Variants in MMS22L observed in about 807,000 individuals in gnomAD.
MMS22L encodes the protein MMS22 like, DNA repair protein.
Under a neutral mutation model 159.1 loss-of-function variants are expected in MMS22L, and 74 were observed. That is an observed-to-expected ratio of 0.47 (90% confidence interval 0.39 to 0.56). The LOEUF is 0.56. MMS22L is among the 20% of genes least tolerant of loss of function. The pLI is 0.00. For synonymous variants in MMS22L, 517 were observed against 506.9 expected (o/e 1.02, Z -0.27); for missense variants, 1,351 against 1,422.1 (o/e 0.95, Z 0.80).
At chr6:97,151,679 T>G in intron 23 of MMS22L, 92 bp downstream of exon 23, 1 of 969,496 alleles carries the variant, frequency 1.0e-6, no homozygotes, top group East Asian at 2.4e-5. Context: ...TAGTAACACA[T>G]TATGTTTTGG....
chr6:97,275,352 C>A (rs1816150319), intron 4 of MMS22L, among the ~76,000 whole-genome samples: 1 of 152,110 alleles, frequency 6.6e-6, no homozygotes, highest in African/African-American at 2.4e-5. Context: ...CATGATGAAA[C>A]CCTGTCTCTA....
chr6:97,243,124 T>C (rs960048564), intron 11 of MMS22L, among the ~76,000 whole-genome samples: 6 of 152,194 alleles, frequency 3.9e-5, no homozygotes, highest in Non-Finnish European at 8.8e-5. Context: ...TCTAGATCTC[T>C]AGCAATGCCA....
At position 97,229,171 on chromosome 6, in the gene MMS22L, T is replaced by G. The variant is rs545356400; in HGVS notation, c.1762A>C (p.Ile588Leu). 3 of 1,613,976 alleles carry G rather than the reference T, an allele frequency of 1.9e-6. No homozygotes were observed. In the African/African-American group the frequency reaches 4.0e-5, roughly 22 times the overall value. The change falls in exon 14 of 25, where the codon ATT (isoleucine) becomes CTT (leucine). Residue 588 changes from isoleucine to leucine, a missense_variant. Physicochemically the swap from Ile to Leu is conservative, Grantham distance 5. Coordinates refer to ENST00000683635, the MANE Select transcript of MMS22L (RefSeq NM_001350599.2). The part of the protein sequence containing the change: ...LLMYAQKNLD[I>L]GVLAEKFSCA... ...GAAAATTTCTCAGCCAAAACACCAA[T>G]GTCCAGATTTTTCTGGGCATACATC...
chr6:97,209,597 T>G (rs918993237), intron 14 of MMS22L, among the ~76,000 whole-genome samples: 5 of 152,012 alleles, frequency 3.3e-5, no homozygotes, highest in African/African-American at 1.2e-4. Flanking sequence ...GCTTAAGGTC[T>G]CTGACATACA....
intron 11 of MMS22L, 101 bp downstream of exon 11, chr6:97,246,527 T>C (rs545370254): frequency 1.4e-5 from 12 of 865,848 alleles, no homozygotes. Context: ...GAAAGTTATT[T>C]GTTTTCTGAA....
At chr6:97,208,222 T>C (rs1484301583) in intron 14 of MMS22L, among the ~76,000 whole-genome samples, 5 of 152,108 alleles carry the variant, frequency 3.3e-5, no homozygotes, top group African/African-American at 9.7e-5. Flanking sequence ...TTTTTAAAAA[T>C]TACTTTGGCA....
intron 19 of MMS22L, among the ~76,000 whole-genome samples, chr6:97,172,616 G>C (rs1053638603): frequency 6.6e-6 from 1 of 152,166 alleles, no homozygotes; most frequent in Admixed American, 6.5e-5. Flanking sequence ...TGAGAAACAA[G>C]ATTTGAAGCA....
intron 22 of MMS22L, among the ~76,000 whole-genome samples, chr6:97,154,229 A>G (rs1801611755): frequency 6.6e-6 from 1 of 151,988 alleles, no homozygotes; most frequent in East Asian, 1.9e-4. Flanking sequence ...GATGTTGAAC[A>G]CCTTTTCTGG....
chr6:97,280,490 G>A (rs1249990986), intron 3 of MMS22L, among the ~76,000 whole-genome samples: 6 of 151,964 alleles, frequency 3.9e-5, no homozygotes, highest in Admixed American at 2.0e-4. Context: ...ATGCCATCAC[G>A]CCTGGCTAAT....
At chr6:97,167,662 A>G (rs895286928) in intron 20 of MMS22L, among the ~76,000 whole-genome samples, 3 of 152,092 alleles carry the variant, frequency 2.0e-5, no homozygotes, top group Non-Finnish European at 4.4e-5. Flanking sequence ...GAACCATTCT[A>G]TATTTTCTTA....
intron 7 of MMS22L, among the ~76,000 whole-genome samples, chr6:97,269,062 G>C (rs2128087353): frequency 6.6e-6 from 1 of 151,954 alleles, no homozygotes; most frequent in South Asian, 2.1e-4. Flanking sequence ...AAGGATAAAA[G>C]ATATTTATCC....
At chr6:97,253,390 G>C (rs1033532502) in intron 10 of MMS22L, 2 of 151,606 alleles carry the variant, frequency 1.3e-5, no homozygotes, top group Admixed American at 6.6e-5. Flanking sequence ...GAGAACCAAG[G>C]AACTTTTTAA....
chr6:97,173,186 A>G lies in MMS22L; in HGVS notation c.2716T>C (p.Ser906Pro), dbSNP rs766486653. The G allele has an allele frequency of 1.9e-5, 31 of 1,613,820 alleles. No individual in the cohort carries two copies. The highest frequency in any genetic ancestry group is 2.2e-5 in the Non-Finnish European group (26 of 1,179,844). The change falls in exon 19 of 25, where the codon TCT becomes CCT. Residue 906 changes from serine (S) to proline (P), a missense_variant. Coordinates refer to ENST00000683635, the MANE Select transcript of MMS22L (RefSeq NM_001350599.2). Reference protein sequence around the residue: ...GVTYGNVQTLSDKSAMVTKSL... With the variant: ...GVTYGNVQTLPDKSAMVTKSL... ...TTTGTGACCATGGCAGATTTATCAG[A>G]AAGTGTCTGGACGTTCCCGTAAGTT...
At chr6:97,244,748 T>C (rs1321778948) in intron 11 of MMS22L, among the ~76,000 whole-genome samples, 1 of 152,132 alleles carries the variant, frequency 6.6e-6, no homozygotes, top group Admixed American at 6.5e-5. Flanking sequence ...TTAATACTCC[T>C]TAATAAACTC....
rs1460604444 is a variant in MMS22L at position 97,145,022 on chromosome 6, ACC to A, written c.*1782_*1783del. The A allele has an allele frequency of 1.9e-5, 2 of 103,278 alleles. No individual in the cohort carries two copies. The highest frequency in any genetic ancestry group is 2.6e-4 in the East Asian group (1 of 3,838). The allele number at this position is 103,278 out of a possible 1,614,324, so 6.4% of individuals were successfully genotyped here. ...TATCAATCTCCTTTGGAAAAAAAAA[ACC>A]CACACACACACACACACACACACAC... On this transcript the variant is annotated 3_prime_UTR_variant, in exon 25 of 25. Transcript: ENST00000683635.
rs757751981 is a variant in MMS22L at position 97,179,388 on chromosome 6, A to G, written c.2536+20T>C. ...TCCATAGATACCCCCATCCTCCCCAAAAAACGTACACTTACTTACCAACTG... is the reference window on the plus strand; with the variant it reads ...TCCATAGATACCCCCATCCTCCCCAGAAAACGTACACTTACTTACCAACTG... On this transcript the variant is annotated intron_variant, in intron 17 of 24. Coordinates refer to ENST00000683635, the MANE Select transcript of MMS22L (RefSeq NM_001350599.2). 15 of 1,605,692 alleles carry G rather than the reference A, an allele frequency of 9.3e-6. No homozygotes were observed. The South Asian group carries it at 1.6e-4, about 17-fold the overall frequency.
At chr6:97,190,227 A>G (rs1364703224) in intron 14 of MMS22L, among the ~76,000 whole-genome samples, 1 of 152,260 alleles carries the variant, frequency 6.6e-6, no homozygotes, top group African/African-American at 2.4e-5. Context: ...AGAATGTAAT[A>G]TAGTTCTAGG....
In MMS22L at chr6:97,281,317, A is replaced by C; in HGVS notation, c.210T>G (p.Asp70Glu). 6.2e-7 allele frequency: 1 copy of C among 1,609,096 alleles called. No individual in the cohort carries two copies. Among genetic ancestry groups the C allele is most frequent in the Admixed American group, 1.7e-5 (1 of 59,422 alleles). Residue 70 changes from aspartate (D) to glutamate (E), a missense_variant, in exon 3 of 25, where the codon GAT becomes GAG. Coordinates refer to ENST00000683635, the MANE Select transcript of MMS22L (RefSeq NM_001350599.2). The part of the protein sequence containing the change: ...LDPLPTNFEE[D>E]TLEIFGIQWV... Reference sequence around the variant, plus strand: ...ACTGAATGCCAAATATTTCCAAGGTATCTTCTTCAAAATTAGTTGGTAAAG... The same window carrying C: ...ACTGAATGCCAAATATTTCCAAGGTCTCTTCTTCAAAATTAGTTGGTAAAG...
chr6:97,171,654 A>C (rs548754751), intron 19 of MMS22L, among the ~76,000 whole-genome samples: 2 of 152,330 alleles, frequency 1.3e-5, no homozygotes, highest in East Asian at 3.9e-4. Flanking sequence ...TTTCATCAAC[A>C]GTTCTGTGCC....
Sources: allele counts gnomAD v4.1 joint callset (sites outside exome capture counted in the v4.1 genomes callset), GRCh38; gene constraint gnomAD v4.1.1; transcripts MANE v1.5; gene names NCBI Gene and HGNC (gene_info 2026-07-23, HGNC 2026-07-21).